SLC15A5: variants seen among roughly 807,000 people sequenced by gnomAD.
SLC15A5 encodes the protein Peptide/histidine transporter ENSP00000340402.
In SLC15A5, 58 loss-of-function variants were observed where a neutral mutation model predicts 56.1. The observed-to-expected ratio is 1.03, with a 90% CI of 0.84 to 1.29. SLC15A5 has a LOEUF of 1.29. Ranked by LOEUF, SLC15A5 falls within the 50% of genes most tolerant of loss-of-function variation. The probability of loss-of-function intolerance (pLI) is 0.00; values close to 1 mark genes in which losing one functional copy is unlikely to be tolerated. For missense variants in SLC15A5, 681 were observed against 672.1 expected, an observed-to-expected ratio of 1.01 and a Z score of -0.15; for synonymous variants, 264 against 250.5, an observed-to-expected ratio of 1.05 and a Z score of -0.51.
chr12:16,222,682 T>A (rs546989660), intron 6 of SLC15A5, among the ~76,000 whole-genome samples: 2 of 152,190 alleles, frequency 1.3e-5, no homozygotes, highest in Admixed American at 1.3e-4. Context: ...GTGGAGTAAG[T>A]GATGTGTAGC....
intron 4 of SLC15A5, among the ~76,000 whole-genome samples, chr12:16,242,376 AACCCAATG>A (rs1565668240): frequency 6.6e-6 from 1 of 151,734 alleles, no homozygotes; most frequent in Non-Finnish European, 1.5e-5. Flanking sequence ...AGGGACTTTT[AACCCAATG>A]CAAGAGTGAT....
rs924169571 is a variant in SLC15A5 at position 16,196,325 on chromosome 12, A to G, written c.1484-1872T>C. Among the ~76,000 whole-genome samples, 2 of 152,046 alleles carry G rather than the reference A, an allele frequency of 1.3e-5. No individual in the cohort carries two copies. The highest frequency in any genetic ancestry group is 2.4e-5 in the African/African-American group (1 of 41,416). ...AATGAAGTTCACTGAATGTTTCTCT[A>G]TAAGTCTTGTCTATTGGATATTGTG... On this transcript the variant is annotated intron_variant, in intron 7 of 8. Coordinates refer to ENST00000344941, the MANE Select transcript of SLC15A5 (RefSeq NM_001170798.1). The surrounding 1 kb of genome is among the most constrained non-coding windows in gnomAD (Gnocchi z 4.0).
At chr12:16,258,753 C>T (rs1256527602) in intron 2 of SLC15A5, among the ~76,000 whole-genome samples, 2 of 152,088 alleles carry the variant, frequency 1.3e-5, no homozygotes, top group Non-Finnish European at 2.9e-5. Flanking sequence ...GAGACCCACC[C>T]AGTATAATCT....
At chr12:16,204,944 T>G (rs1413322545) in intron 7 of SLC15A5, among the ~76,000 whole-genome samples, 1 of 152,126 alleles carries the variant, frequency 6.6e-6, no homozygotes, top group African/African-American at 2.4e-5. Context: ...GGTGGACAGA[T>G]TTGATTACAT....
chr12:16,266,622 A>T (rs1338618616), intron 2 of SLC15A5, among the ~76,000 whole-genome samples: 1 of 152,212 alleles, frequency 6.6e-6, no homozygotes, highest in Non-Finnish European at 1.5e-5. Flanking sequence ...GACAAGCCAC[A>T]GATAATTAAG....
At chr12:16,239,989 G>C in intron 4 of SLC15A5, 122 bp from the exon 5 acceptor site, 2 of 867,642 alleles carry the variant, frequency 2.3e-6, no homozygotes, top group Non-Finnish European at 3.4e-6. Flanking sequence ...ATGTTGCCTA[G>C]TTTTTCAAGT....
At chr12:16,231,482 C>A (rs1864299157) in intron 5 of SLC15A5, among the ~76,000 whole-genome samples, 1 of 152,272 alleles carries the variant, frequency 6.6e-6, no homozygotes, top group Admixed American at 6.5e-5. Flanking sequence ...AGAAGCATGA[C>A]CCTAATCCTC....
Position 16,195,418 on chromosome 12 carries a change from G to T in SLC15A5, c.1484-965C>A, listed in dbSNP as rs533480540. Among the ~76,000 whole-genome samples the T allele has an allele frequency of 2.8e-4, 42 of 152,102 alleles. No individual in the cohort carries two copies. The East Asian group carries it at 7.3e-3, about 27-fold the overall frequency. ...TAGTATTACCAAATGTATTTACATT[G>T]CACTACAGAATGCTTAAAAGGGAAA... On this transcript the variant is annotated intron_variant, in intron 7 of 8. Transcript: ENST00000344941.
chr12:16,256,009 T>C (rs539940360), intron 3 of SLC15A5, among the ~76,000 whole-genome samples: 2 of 152,114 alleles, frequency 1.3e-5, no homozygotes, highest in Non-Finnish European at 2.9e-5. Flanking sequence ...TGTCCAAGTA[T>C]GGAAACAAAT....
At chr12:16,225,881 C>T (rs180731720) in intron 5 of SLC15A5, among the ~76,000 whole-genome samples, 113 of 152,316 alleles carry the variant, frequency 7.4e-4, no homozygotes, top group Non-Finnish European at 1.4e-3. Flanking sequence ...TGCTGTTTGG[C>T]CATCCAGTGC....
intron 7 of SLC15A5, among the ~76,000 whole-genome samples, chr12:16,198,430 A>C (rs1362415584): frequency 6.6e-6 from 1 of 152,150 alleles, no homozygotes; most frequent in African/African-American, 2.4e-5. Flanking sequence ...TTGTAGAATC[A>C]TCTAGACTCA....
intron 7 of SLC15A5, among the ~76,000 whole-genome samples, chr12:16,206,310 C>G (rs557414699): frequency 3.0e-4 from 46 of 152,276 alleles, no homozygotes; most frequent in Admixed American, 7.2e-4. Context: ...GAAATAGTAT[C>G]TTCTTGAAAT....
chr12:16,217,920 T>G (rs1334598561), intron 6 of SLC15A5, among the ~76,000 whole-genome samples: 1 of 152,124 alleles, frequency 6.6e-6, no homozygotes, highest in Admixed American at 6.6e-5. Flanking sequence ...TTTTTTAAAT[T>G]TTCAATTAAA....
chr12:16,193,393 A>G (rs953900906), intron 8 of SLC15A5, among the ~76,000 whole-genome samples: 4 of 152,022 alleles, frequency 2.6e-5, no homozygotes, highest in Admixed American at 2.0e-4. Flanking sequence ...CATAAGCCCA[A>G]TGAGAGCAGA....
At chr12:16,261,971 C>G (rs2136812657) in intron 2 of SLC15A5, among the ~76,000 whole-genome samples, 1 of 152,296 alleles carries the variant, frequency 6.6e-6, no homozygotes, top group African/African-American at 2.4e-5. Context: ...TTTTGAAAAG[C>G]AGAAATTCTT....
chr12:16,212,754 A>G (rs1864095739), intron 7 of SLC15A5, among the ~76,000 whole-genome samples: 1 of 152,162 alleles, frequency 6.6e-6, no homozygotes, highest in Non-Finnish European at 1.5e-5. Context: ...TTGCTTACCA[A>G]ATTTGCAGAT....
intron 3 of SLC15A5, among the ~76,000 whole-genome samples, chr12:16,247,844 A>G (rs1441051270): frequency 2.0e-5 from 3 of 152,100 alleles, no homozygotes; most frequent in Non-Finnish European, 4.4e-5. Flanking sequence ...AGTTTTAAGT[A>G]TACTAGAGAG....
In SLC15A5 at chr12:16,272,667, G is replaced by A; in HGVS notation, c.478C>T (p.Leu160=). 6.5e-7 allele frequency: 1 copy of A among 1,537,136 alleles called. No homozygotes were observed. Among genetic ancestry groups the A allele is most frequent in the Non-Finnish European group, 8.7e-7 (1 of 1,146,754 alleles). ...CCTCCAATGCCAAGGCAAATGGTCA[G>A]CAGTGCTACATAAAACAGCCTGTGC... is the stretch of plus-strand genomic sequence containing the variant. ...EQHRLFYVAL[L]TICLGIGGVR... The change falls in exon 2 of 9, where the codon CTG becomes TTG. Residue 160 remains leucine, a synonymous_variant. Transcript: ENST00000344941.
At chr12:16,236,626 C>T (rs1458545694) in intron 5 of SLC15A5, among the ~76,000 whole-genome samples, 1 of 152,180 alleles carries the variant, frequency 6.6e-6, no homozygotes. Flanking sequence ...TTCCCCATCT[C>T]TCACTCTTGG....
Sources: gnomAD v4.1 joint callset for allele counts (sites outside exome capture counted in the v4.1 genomes callset) on GRCh38, gnomAD v4.1.1 for gene constraint, Gnocchi (gnomAD v3.1) non-coding constraint, MANE v1.5 for transcripts, NCBI Gene and HGNC (gene_info 2026-07-23, HGNC 2026-07-21) for gene names.